The following METAP1 variants were observed in gnomAD, a reference collection of about 807,000 sequenced individuals.
METAP1 encodes the protein methionine aminopeptidase 1.
In METAP1, 28 loss-of-function variants were observed where a neutral mutation model predicts 53.8. The ratio of observed to expected loss-of-function variants is 0.52; its 90% CI spans 0.39 to 0.71. The LOEUF (loss-of-function observed/expected upper bound fraction) is 0.71. METAP1 is among the 30% of genes least tolerant of loss of function. METAP1 has a pLI of 0.00. For synonymous variants in METAP1, 181 were observed against 165.7 expected (o/e 1.09, Z -0.71); for missense variants, 389 against 479.8 (o/e 0.81, Z 1.77).
intron 3 of METAP1, among the ~76,000 whole-genome samples, chr4:99,034,638 T>A (rs1383413964): frequency 6.6e-6 from 1 of 152,176 alleles, no homozygotes; most frequent in African/African-American, 2.4e-5. Context: ...CGTCCCTCGA[T>A]ATCCATGGAT....
At position 99,022,376 on chromosome 4, in the gene METAP1, T is replaced by C. The variant is rs552212074; in HGVS notation, c.115-6491T>C. 32 of 862,648 alleles carry C rather than the reference T, an allele frequency of 3.7e-5. No individual in the cohort carries two copies. In the Admixed American group the frequency reaches 7.0e-4, roughly 19 times the overall value. 53.4% of individuals were successfully genotyped at this position (862,648 alleles called of 1,614,324 possible). On this transcript the variant is annotated intron_variant, in intron 1 of 10. Transcript: ENST00000296411. The stretch of plus-strand genomic sequence containing the variant: ...GAGGGTGGCGGGGCTCCAAAGATCC[T>C]GGCCAGGAGTGCTTTGTTGGAGTGG...
chr4:98,995,957 C>A, intron 1 of METAP1, 90 bp downstream of exon 1: 2 of 1,042,984 alleles, frequency 1.9e-6, no homozygotes, highest in Non-Finnish European at 2.9e-6. Flanking sequence ...TGCGGCGAGT[C>A]GGGACGCGCT....
At chr4:99,033,648 C>G (rs916522520) in intron 2 of METAP1, among the ~76,000 whole-genome samples, 1 of 152,194 alleles carries the variant, frequency 6.6e-6, no homozygotes, top group East Asian at 1.9e-4. Context: ...TTTCCTGCCT[C>G]TTTCCTTTAC....
intron 4 of METAP1, among the ~76,000 whole-genome samples, chr4:99,038,803 T>C (rs1725629249): frequency 6.6e-6 from 1 of 152,154 alleles, no homozygotes; most frequent in South Asian, 2.1e-4. Flanking sequence ...TAAATAAAGA[T>C]TTCATGGCAG....
intron 9 of METAP1, among the ~76,000 whole-genome samples, chr4:99,055,092 T>TAAA (rs1367984757): frequency 9.3e-5 from 14 of 149,998 alleles, no homozygotes; most frequent in South Asian, 4.2e-4. Context: ...AATTTATTTT[T>TAAA]AAAAAAAAAA....
In METAP1 at chr4:99,016,464, C is replaced by G. The variant is rs533240646; in HGVS notation, c.115-12403C>G. 2.6e-5 allele frequency among the ~76,000 whole-genome samples: 4 copies of G among 152,256 alleles called. No homozygotes were observed. In the South Asian group the frequency reaches 8.3e-4, roughly 32 times the overall value. On this transcript the variant is annotated intron_variant, in intron 1 of 10. Coordinates refer to ENST00000296411, the MANE Select transcript of METAP1 (RefSeq NM_015143.3). ...CCCATTCTATGTCCAGCACCTGGGC[C>G]AGTTTTATCATAATGTGTGCCGTAA...
At chr4:99,005,920 G>T (rs1470699900) in intron 1 of METAP1, 1 of 234,514 alleles carries the variant, frequency 4.3e-6, no homozygotes. Flanking sequence ...GACTCAGAAA[G>T]GGGGAGGGCT....
In METAP1 at chr4:99,041,237, T is replaced by C. The variant is rs1267322726; in HGVS notation, c.516+111T>C. On this transcript the variant is annotated intron_variant, in intron 6 of 10. Transcript: ENST00000296411. ...AGTGTCTAAGGTAACTTGGGTAAAC[T>C]CATTTGAAAGCAAATTTTTGCTTTG... The C allele has an allele frequency of 1.3e-5, 8 of 627,494 alleles. No homozygotes were observed. The Admixed American group carries it at 1.4e-4, about 11-fold the overall frequency. 38.9% of individuals were successfully genotyped at this position (627,494 alleles called of 1,614,324 possible).
At chr4:99,035,197 C>A (rs1725337566) in intron 3 of METAP1, among the ~76,000 whole-genome samples, 1 of 152,136 alleles carries the variant, frequency 6.6e-6, no homozygotes, top group South Asian at 2.1e-4. Context: ...ATGGCCTTGG[C>A]CACTTTCCCC....
At chr4:99,016,324 A>G (rs912867449) in intron 1 of METAP1, among the ~76,000 whole-genome samples, 3 of 152,160 alleles carry the variant, frequency 2.0e-5, no homozygotes, top group African/African-American at 7.2e-5. Context: ...TGAATAAAGC[A>G]ATAGGGAGGC....
rs1250998367 is a variant in METAP1, at chr4:99,034,146, G to A, written c.167-84G>A. 4 of 805,198 alleles carry A rather than the reference G, an allele frequency of 5.0e-6. No homozygotes were observed. The African/African-American group carries it at 5.2e-5, about 10-fold the overall frequency. 49.9% of individuals were successfully genotyped at this position (805,198 alleles called of 1,614,324 possible). A position where few individuals can be genotyped will look rare whatever the true frequency, so the allele number is the denominator to read the frequency against. On this transcript the variant is annotated intron_variant, in intron 2 of 10. Transcript: ENST00000296411. ...TTTAAACAAGAGATATTCAAAGTAT[G>A]CTGCTGCTCATTAGCTTGACCACTG...
At chr4:99,030,047 CTTAACTATATTCA>C (rs1724887695) in intron 2 of METAP1, among the ~76,000 whole-genome samples, 2 of 152,228 alleles carry the variant, frequency 1.3e-5, no homozygotes, top group East Asian at 3.9e-4. Flanking sequence ...AATAATCTCA[CTTAACTATATTCA>C]TTCATGCATT....
intron 1 of METAP1, among the ~76,000 whole-genome samples, chr4:99,017,023 A>T (rs948364424): frequency 5.9e-5 from 9 of 152,212 alleles, no homozygotes; most frequent in Admixed American, 2.0e-4. Flanking sequence ...TTTGGGGGAG[A>T]GGAGGGAGGG....
rs574519883 is a variant in METAP1 at position 99,025,585 on chromosome 4, T to A, written c.115-3282T>A. ...GGAGCCAGAGCTGAGAACCACACTATCCCATTTTAGCTTGTAAACCAAAAA... is the reference window on the plus strand; with the variant it reads ...GGAGCCAGAGCTGAGAACCACACTAACCCATTTTAGCTTGTAAACCAAAAA... On this transcript the variant is annotated intron_variant, in intron 1 of 10. Coordinates refer to ENST00000296411, the MANE Select transcript of METAP1 (RefSeq NM_015143.3). The A allele has an allele frequency of 7.4e-6, 5 of 673,854 alleles. 1 individual carries two copies. In the South Asian group the frequency reaches 2.7e-4, roughly 36 times the overall value. The allele number at this position is 673,854 out of a possible 1,614,324, so 41.7% of individuals were successfully genotyped here. A position where few individuals can be genotyped will look rare whatever the true frequency, so the allele number is the denominator to read the frequency against.
chr4:98,997,959 C>T (rs1722717332), intron 1 of METAP1, among the ~76,000 whole-genome samples: 1 of 152,178 alleles, frequency 6.6e-6, no homozygotes, highest in African/African-American at 2.4e-5. Flanking sequence ...AAACAAACGC[C>T]CACAAAAAAC....
intron 1 of METAP1, among the ~76,000 whole-genome samples, chr4:99,004,458 C>T: frequency 3.7e-5 from 1 of 26,896 alleles, no homozygotes; most frequent in Non-Finnish European, 8.6e-5. Context: ...CACACACACA[C>T]ACACACACAC....
At chr4:99,045,963 T>A (rs1726203268) in intron 8 of METAP1, among the ~76,000 whole-genome samples, 1 of 152,274 alleles carries the variant, frequency 6.6e-6, no homozygotes, top group African/African-American at 2.4e-5. Context: ...ACAATTTGTG[T>A]AACTATTCTG....
rs536755278 is a variant in METAP1, at chr4:99,057,544, G to A, written c.932-209G>A. Among the ~76,000 whole-genome samples the A allele has an allele frequency of 8.3e-4, 107 of 129,168 alleles. 3 individuals carry two copies. The highest frequency in any genetic ancestry group is 9.1e-5 in the Non-Finnish European group (6 of 66,224). 84.7% of individuals were successfully genotyped at this position (129,168 alleles called of 152,430 possible). Reference sequence around the variant, plus strand: ...CTCTGTTTTCCTAGAGAACACATAAGCGTAATTGAAATGTGCCTAGGACAA... The same window carrying A: ...CTCTGTTTTCCTAGAGAACACATAAACGTAATTGAAATGTGCCTAGGACAA... On this transcript the variant is annotated intron_variant, in intron 9 of 10. Transcript: ENST00000296411.
chr4:99,009,610 T>G (rs929494639), intron 1 of METAP1, among the ~76,000 whole-genome samples: 5 of 152,230 alleles, frequency 3.3e-5, no homozygotes, highest in Admixed American at 1.3e-4. Flanking sequence ...TTTGCACTTT[T>G]CTGATGATTA....
Sources: gnomAD v4.1 joint callset for allele counts (sites outside exome capture counted in the v4.1 genomes callset) on GRCh38, gnomAD v4.1.1 for gene constraint, MANE v1.5 for transcripts, NCBI Gene and HGNC (gene_info 2026-07-23, HGNC 2026-07-21) for gene names.